MAP2K3: variants seen among roughly 807,000 people sequenced by gnomAD.
MAP2K3 encodes mitogen-activated protein kinase kinase 3, also known as dual specificity mitogen-activated protein kinase kinase 3.
In MAP2K3, 30 loss-of-function variants were observed where a neutral mutation model predicts 46.4. That is an observed-to-expected ratio of 0.65 (90% confidence interval 0.48 to 0.88). The LOEUF is 0.88. Among genes scored for constraint, MAP2K3 ranks in the 40% least tolerant of loss-of-function variants. MAP2K3 has a pLI of 0.00. For missense variants in MAP2K3, 380 were observed against 464.5 expected (o/e 0.82, Z 1.67); for synonymous variants, 189 against 176.3 (o/e 1.07, Z -0.57).
chr17:21,287,548 A>G (rs1253643432), intron 1 of MAP2K3, among the ~76,000 whole-genome samples: 1 of 152,196 alleles, frequency 6.6e-6, no homozygotes, highest in Non-Finnish European at 1.5e-5. Context: ...TTTCCATGCC[A>G]TGGGCCTGGG....
chr17:21,312,839 C>T (rs1179699661), intron 10 of MAP2K3, among the ~76,000 whole-genome samples: 6 of 151,058 alleles, frequency 4.0e-5, no homozygotes, highest in East Asian at 3.9e-4. Context: ...CGCTTGAACC[C>T]GGGAGCCGGA....
intron 6 of MAP2K3, 110 bp from the exon 7 acceptor site, chr17:21,303,072 GC>G: frequency 7.1e-7 from 1 of 1,407,130 alleles, no homozygotes; most frequent in Non-Finnish European, 9.8e-7. Flanking sequence ...AGCCTGTGCA[GC>G]GGGAGCGGGA....
In MAP2K3 at chr17:21,304,411, G is replaced by A. The variant is rs1213087467; in HGVS notation, c.569-15G>A. On this transcript the variant is annotated splice_polypyrimidine_tract_variant and intron_variant, in intron 7 of 11. Transcript: ENST00000342679. ...TGCTCCACAGACGTGGCTGAGGCATGTCCCTCCCTGGCAGATGTGAAGCCC... is the reference window on the plus strand; with the variant it reads ...TGCTCCACAGACGTGGCTGAGGCATATCCCTCCCTGGCAGATGTGAAGCCC... The A allele has an allele frequency of 6.2e-7, 1 of 1,614,302 alleles. No individual in the cohort carries two copies. The highest frequency in any genetic ancestry group is 1.7e-5 in the Admixed American group (1 of 60,036).
intron 1 of MAP2K3, among the ~76,000 whole-genome samples, chr17:21,292,522 C>T (rs1372753881): frequency 2.0e-5 from 3 of 152,308 alleles, no homozygotes; most frequent in Non-Finnish European, 2.9e-5. Context: ...ACGCCCACTA[C>T]ATTTTTGTTT....
At chr17:21,298,292 C>T (rs894349997) in intron 1 of MAP2K3, 121 bp from the exon 2 acceptor site, 3 of 1,423,696 alleles carry the variant, frequency 2.1e-6, no homozygotes, top group Admixed American at 1.7e-5. Flanking sequence ...AGAGGGGGCT[C>T]CCGGCATGGG....
In MAP2K3 at chr17:21,314,276, C is replaced by T. The variant is rs1406804065; in HGVS notation, c.*46C>T. The T allele has an allele frequency of 6.6e-7, 1 of 1,514,322 alleles. No homozygotes were observed. Among genetic ancestry groups the T allele is most frequent in the Non-Finnish European group, 9.2e-7 (1 of 1,091,116 alleles). The allele number at this position is 1,514,322 out of a possible 1,614,324, so 93.8% of individuals were successfully genotyped here. On this transcript the variant is annotated 3_prime_UTR_variant, in exon 12 of 12. Transcript: ENST00000342679. ...CTCCGGCCCTCCAGAGCCCCACAGC[C>T]CCATCTGCGGGGGCAGTGCTCACCC...
In MAP2K3 at chr17:21,285,934, T is replaced by C. The variant is rs191495251; in HGVS notation, c.49+965T>C. On this transcript the variant is annotated intron_variant, in intron 1 of 11. Coordinates refer to ENST00000342679, the MANE Select transcript of MAP2K3 (RefSeq NM_145109.3). ...TTTCAGGAAGAGGAAAGGATGTTTT[T>C]GGTGCGTCGGAGTTTCAGTAGGCTG... Among the ~76,000 whole-genome samples the C allele has an allele frequency of 2.0e-5, 3 of 152,252 alleles. No individual in the cohort carries two copies. In the East Asian group the frequency reaches 5.8e-4, roughly 29 times the overall value.
At chr17:21,303,075 G>A (rs1488147327) in intron 6 of MAP2K3, 108 bp from the exon 7 acceptor site, 1 of 1,439,428 alleles carries the variant, frequency 6.9e-7, no homozygotes, top group Non-Finnish European at 9.6e-7. Context: ...CTGTGCAGCG[G>A]GAGCGGGAGA....
Position 21,304,697 on chromosome 17 carries a change from G to A in MAP2K3, c.696+144G>A, listed in dbSNP as rs1157447387. ...TTCCTGCTGTAGTGGGGCCACCTGT[G>A]TCTTGCTGCCCAGGGGCAGCCCTTC... On this transcript the variant is annotated intron_variant, in intron 8 of 11. Coordinates refer to ENST00000342679, the MANE Select transcript of MAP2K3 (RefSeq NM_145109.3). The A allele has an allele frequency of 5.8e-6, 8 of 1,374,066 alleles. No homozygotes were observed. The East Asian group carries it at 2.0e-4, about 34-fold the overall frequency. 85.1% of individuals were successfully genotyped at this position (1,374,066 alleles called of 1,614,324 possible).
chr17:21,291,325 ATAGAATACAG>A (rs201521347), intron 1 of MAP2K3: 1 of 295,482 alleles, frequency 3.4e-6, no homozygotes, highest in Non-Finnish European at 6.8e-6. Flanking sequence ...ATAGAATACA[ATAGAATACAG>A]TACAATACAA....
At chr17:21,294,596 C>T (rs1246492525) in intron 1 of MAP2K3, among the ~76,000 whole-genome samples, 1 of 152,312 alleles carries the variant, frequency 6.6e-6, no homozygotes, top group Non-Finnish European at 1.5e-5. Context: ...ACCAGACGCC[C>T]ACCGTGTGGC....
intron 1 of MAP2K3, among the ~76,000 whole-genome samples, chr17:21,297,585 C>T (rs971187284): frequency 5.3e-5 from 8 of 152,310 alleles, no homozygotes; most frequent in East Asian, 3.8e-4. Context: ...ATTCAAAGGG[C>T]GGCCCTGACT....
At chr17:21,299,937 A>G (rs1976495391) in intron 3 of MAP2K3, among the ~76,000 whole-genome samples, 1 of 152,304 alleles carries the variant, frequency 6.6e-6, no homozygotes, top group African/African-American at 2.4e-5. Flanking sequence ...AGCCAAGATT[A>G]CCCCATTGCA....
At chr17:21,303,369 C>T in intron 7 of MAP2K3, 135 bp downstream of exon 7, 1 of 1,239,004 alleles carries the variant, frequency 8.1e-7, no homozygotes, top group Non-Finnish European at 1.1e-6. Context: ...GGGGTTCCAG[C>T]CGCTTTCCAC....
At chr17:21,305,493 G>A (rs1976847505) in intron 9 of MAP2K3, among the ~76,000 whole-genome samples, 1 of 152,308 alleles carries the variant, frequency 6.6e-6, no homozygotes, top group Non-Finnish European at 1.5e-5. Context: ...CATAGCAGAA[G>A]GTTTGTTGTC....
At chr17:21,306,690 C>T (rs1469769751) in intron 9 of MAP2K3, among the ~76,000 whole-genome samples, 9 of 152,178 alleles carry the variant, frequency 5.9e-5, no homozygotes, top group Non-Finnish European at 1.0e-4. Context: ...GCCATGTTGG[C>T]GAGGCTGGTC....
rs1200673824 is a variant in MAP2K3 at position 21,284,759 on chromosome 17, CCGCCGCAGTCCT to C, written c.-151_-140del. Reference sequence around the variant, plus strand: ...CGCGGACTCGTCCTTGCTGCAGTCGCCGCCGCAGTCCTCGCCGCAGTCGCCGCCGCCGCCGCC... The same window carrying C: ...CGCGGACTCGTCCTTGCTGCAGTCGCCGCCGCAGTCGCCGCCGCCGCCGCC... On this transcript the variant is annotated 5_prime_UTR_variant, in exon 1 of 12. Transcript: ENST00000342679. 2.3e-5 allele frequency: 16 copies of C among 688,226 alleles called. No homozygotes were observed. The highest frequency in any genetic ancestry group is 3.6e-5 in the Non-Finnish European group (16 of 446,490). The allele number at this position is 688,226 out of a possible 1,614,324, so 42.6% of individuals were successfully genotyped here.
At chr17:21,312,706 GGAGTTT>G (rs1977222112) in intron 10 of MAP2K3, among the ~76,000 whole-genome samples, 1 of 152,106 alleles carries the variant, frequency 6.6e-6, no homozygotes, top group South Asian at 2.1e-4. Context: ...CCCGAGGTCA[GGAGTTT>G]GAGACCAGCC....
At chr17:21,301,686 C>A (rs1380569191) in intron 5 of MAP2K3, among the ~76,000 whole-genome samples, 1 of 152,310 alleles carries the variant, frequency 6.6e-6, no homozygotes, top group African/African-American at 2.4e-5. Flanking sequence ...CCCTGCGCAT[C>A]TCCCAACCTT....
Sources: allele counts gnomAD v4.1 joint callset (sites outside exome capture counted in the v4.1 genomes callset), GRCh38; gene constraint gnomAD v4.1.1; transcripts MANE v1.5; gene names NCBI Gene and HGNC (gene_info 2026-07-23, HGNC 2026-07-21).